The following APBA1 variants were observed in gnomAD, a reference collection of about 807,000 sequenced individuals.
APBA1 encodes amyloid beta precursor protein binding family A member 1, also known as amyloid-beta A4 precursor protein-binding family A member 1.
A neutral mutation model predicts 86.6 loss-of-function variants in APBA1; 55 were observed. The observed-to-expected ratio is 0.64, with a 90% CI of 0.51 to 0.80. The LOEUF (loss-of-function observed/expected upper bound fraction) is 0.80. Ranked by LOEUF, APBA1 falls within the 30% of genes least tolerant of loss-of-function variation. The pLI, the probability that APBA1 is intolerant of heterozygous loss-of-function variation, is 0.00. For synonymous variants in APBA1, 511 were observed against 493.9 expected (o/e 1.03, Z -0.46); for missense variants, 1,090 against 1,183.0 (o/e 0.92, Z 1.15).
intron 2 of APBA1, among the ~76,000 whole-genome samples, chr9:69,514,524 G>A (rs945426762): frequency 6.6e-6 from 1 of 151,254 alleles, no homozygotes; most frequent in African/African-American, 2.4e-5. Context: ...GGGAGGCGGA[G>A]GTTGCAGTGA....
chr9:69,589,670 C>T (rs1045575996), intron 1 of APBA1, among the ~76,000 whole-genome samples: 2 of 152,076 alleles, frequency 1.3e-5, no homozygotes, highest in Non-Finnish European at 2.9e-5. Context: ...TCATTCTGTG[C>T]CCTGCCCCCT....
intron 2 of APBA1, among the ~76,000 whole-genome samples, chr9:69,485,248 C>T (rs1835588609): frequency 6.6e-6 from 1 of 152,066 alleles, no homozygotes; most frequent in African/African-American, 2.4e-5. Flanking sequence ...CTAAAAATCT[C>T]CACACCATTG....
At chr9:69,658,322 C>CT (rs1823676362) in intron 1 of APBA1, among the ~76,000 whole-genome samples, 3 of 130,284 alleles carry the variant, frequency 2.3e-5, no homozygotes, top group Admixed American at 1.5e-4. Context: ...TTCTTTCTTT[C>CT]TTTCTTTCTT....
chr9:69,493,109 C>A (rs184272700), intron 2 of APBA1, among the ~76,000 whole-genome samples: 1 of 152,136 alleles, frequency 6.6e-6, no homozygotes, highest in Admixed American at 6.5e-5. Context: ...TCATTAAGCA[C>A]CTATTTACCC....
At chr9:69,548,927 G>C (rs1836740544) in intron 1 of APBA1, among the ~76,000 whole-genome samples, 1 of 152,238 alleles carries the variant, frequency 6.6e-6, no homozygotes, top group African/African-American at 2.4e-5. Context: ...AGCAGCTGCT[G>C]AGGCAGCAGG....
Position 69,452,214 on chromosome 9 carries a change from G to A in APBA1, c.1876C>T (p.Leu626Phe), listed in dbSNP as rs201676704. The change falls in exon 9 of 13, where the codon CTC (leucine) becomes TTC (phenylalanine). Residue 626 changes from leucine (L) to phenylalanine (F), a missense_variant. Transcript: ENST00000265381. ...LRANGINPED[L>F]SQKEYSDLLN... ...AGGTCACTATACTCCTTCTGGCTGA[G>A]ATCTTCGGGGTTAATCCCATTGGCC... 1.2e-6 allele frequency: 2 copies of A among 1,614,230 alleles called. No homozygotes were observed. The highest frequency in any genetic ancestry group is 4.5e-5 in the East Asian group (2 of 44,884).
At chr9:69,451,853 A>G (rs896051973) in intron 9 of APBA1, among the ~76,000 whole-genome samples, 2 of 152,168 alleles carry the variant, frequency 1.3e-5, no homozygotes, top group Admixed American at 1.3e-4. Flanking sequence ...TTCAGGTCCT[A>G]TCTGCCTCTG....
chr9:69,594,927 T>C (rs922415879), intron 1 of APBA1, among the ~76,000 whole-genome samples: 3 of 152,222 alleles, frequency 2.0e-5, no homozygotes, highest in Admixed American at 1.3e-4. Flanking sequence ...AATTTTCTCA[T>C]CTGTCAAATG....
intron 2 of APBA1, among the ~76,000 whole-genome samples, chr9:69,495,371 G>C (rs1376998945): frequency 1.3e-5 from 2 of 152,144 alleles, no homozygotes; most frequent in Non-Finnish European, 2.9e-5. Context: ...GGTACATCCA[G>C]AAGTTCTCCA....
intron 4 of APBA1, among the ~76,000 whole-genome samples, chr9:69,471,445 C>G (rs1376816367): frequency 6.6e-6 from 1 of 152,174 alleles, no homozygotes; most frequent in Non-Finnish European, 1.5e-5. Flanking sequence ...GAGTCCTCAT[C>G]CACATAATGA....
At chr9:69,623,887 T>C (rs567788235) in intron 1 of APBA1, among the ~76,000 whole-genome samples, 2 of 152,348 alleles carry the variant, frequency 1.3e-5, no homozygotes, top group South Asian at 4.1e-4. Flanking sequence ...TCTCCCTTTG[T>C]GTGTTGTAAT....
intron 1 of APBA1, among the ~76,000 whole-genome samples, chr9:69,618,036 G>A (rs1329511255): frequency 6.6e-6 from 1 of 152,130 alleles, no homozygotes; most frequent in Non-Finnish European, 1.5e-5. Flanking sequence ...TAATTGCTTG[G>A]TAATGTATGC....
chr9:69,638,597 A>C (rs1823225478), intron 1 of APBA1, among the ~76,000 whole-genome samples: 1 of 152,228 alleles, frequency 6.6e-6, no homozygotes, highest in African/African-American at 2.4e-5. Context: ...TATGTGTACA[A>C]GATTAAACAG....
intron 1 of APBA1, among the ~76,000 whole-genome samples, chr9:69,524,410 T>A (rs753361887): frequency 2.0e-5 from 3 of 151,850 alleles, no homozygotes; most frequent in Non-Finnish European, 2.9e-5. Flanking sequence ...TTATAACCAA[T>A]CACACAGAAA....
At chr9:69,515,616 G>A (rs1836123092) in intron 2 of APBA1, among the ~76,000 whole-genome samples, 1 of 145,408 alleles carries the variant, frequency 6.9e-6, no homozygotes, top group Non-Finnish European at 1.5e-5. Context: ...CCTTCCTCAA[G>A]CATGGCTTGT....
At position 69,516,806 on chromosome 9, in the gene APBA1, G is replaced by T; in HGVS notation, c.405C>A (p.Ala135=). The part of the protein sequence containing the change: ...EAEEYTEQAE[A]EHAEATHRRA... ...GGCGGTGCGTGGCCTCGGCGTGCTCGGCCTCTGCCTGCTCCGTGTACTCCT... is the reference window on the plus strand; with the variant it reads ...GGCGGTGCGTGGCCTCGGCGTGCTCTGCCTCTGCCTGCTCCGTGTACTCCT... The change falls in exon 2 of 13, where the codon GCC becomes GCA. Residue 135 remains alanine (A), a synonymous_variant. Transcript: ENST00000265381. This position sits in a 1 kb window ranked among gnomAD's most constrained non-coding sequence, Gnocchi z 7.3. 1.2e-6 allele frequency: 2 copies of T among 1,608,700 alleles called. No homozygotes were observed. The highest frequency in any genetic ancestry group is 1.7e-6 in the Non-Finnish European group (2 of 1,179,374).
At chr9:69,499,722 A>G (rs1835853700) in intron 2 of APBA1, among the ~76,000 whole-genome samples, 1 of 151,896 alleles carries the variant, frequency 6.6e-6, no homozygotes, top group Admixed American at 6.5e-5. Context: ...GGGAGAGGGT[A>G]ACATCAAGGC....
intron 1 of APBA1, among the ~76,000 whole-genome samples, chr9:69,537,725 C>G (rs1323511689): frequency 1.3e-5 from 2 of 151,862 alleles, no homozygotes; most frequent in African/African-American, 4.8e-5. Flanking sequence ...GGCCCTTTTT[C>G]ACAAGCTTAT....
intron 1 of APBA1, among the ~76,000 whole-genome samples, chr9:69,593,123 G>A (rs960494755): frequency 2.0e-5 from 3 of 152,104 alleles, no homozygotes; most frequent in Non-Finnish European, 2.9e-5. Flanking sequence ...CATATCTTCC[G>A]AAGATAATGC....
Sources: gnomAD v4.1 joint callset for allele counts (sites outside exome capture counted in the v4.1 genomes callset) on GRCh38, gnomAD v4.1.1 for gene constraint, Gnocchi (gnomAD v3.1) non-coding constraint, MANE v1.5 for transcripts, NCBI Gene and HGNC (gene_info 2026-07-23, HGNC 2026-07-21) for gene names.